Variants in ADAMTS19 observed in about 807,000 individuals in gnomAD.
The protein encoded by ADAMTS19 is ADAM metallopeptidase with thrombospondin type 1 motif 19.
A neutral mutation model predicts 153.3 loss-of-function variants in ADAMTS19; 93 were observed. That is an observed-to-expected ratio of 0.61 (90% CI 0.51 to 0.72). ADAMTS19 has a LOEUF of 0.72. ADAMTS19 is among the 30% of genes least tolerant of loss of function. The pLI is 0.00. For synonymous variants in ADAMTS19, 600 were observed against 556.6 expected, an observed-to-expected ratio of 1.08 and a Z score of -1.10; for missense variants, 1,482 against 1,552.1, an observed-to-expected ratio of 0.95 and a Z score of 0.76.
At chr5:129,578,653 C>G (rs78257476) in intron 7 of ADAMTS19, among the ~76,000 whole-genome samples, 6,923 of 151,916 alleles carry the variant, frequency 0.046, 490 homozygotes, top group African/African-American at 0.16. Context: ...TCCATGTGTT[C>G]TCATTGTTCA....
intron 18 of ADAMTS19, among the ~76,000 whole-genome samples, chr5:129,691,670 C>T (rs910327936): frequency 1.3e-5 from 2 of 152,130 alleles, no homozygotes; most frequent in African/African-American, 4.8e-5. Context: ...TAAGCTTCCC[C>T]TAGCTGCCAA....
chr5:129,600,858 GTTATTATTATTA>G (rs67558720), intron 8 of ADAMTS19, among the ~76,000 whole-genome samples: 9 of 150,504 alleles, frequency 6.0e-5, no homozygotes, highest in Admixed American at 4.0e-4. Flanking sequence ...AGTAGTAGGA[GTTATTATTATTA>G]TTATTATTAT....
In ADAMTS19 at chr5:129,525,926, G is replaced by C. The variant is rs1395485481; in HGVS notation, c.914-358G>C. Among the ~76,000 whole-genome samples, 6 of 151,964 alleles carry C rather than the reference G, an allele frequency of 3.9e-5. No homozygotes were observed. In the East Asian group the frequency reaches 1.2e-3, roughly 29 times the overall value. On this transcript the variant is annotated intron_variant, in intron 3 of 22. Transcript: ENST00000274487. ...TGCCATTGATGTCAAAAAGAAAATT[G>C]CAGTATCTTTTATTTATTGAGTTAT...
At chr5:129,580,018 A>C (rs766929658) in intron 7 of ADAMTS19, among the ~76,000 whole-genome samples, 4 of 152,296 alleles carry the variant, frequency 2.6e-5, no homozygotes, top group Non-Finnish European at 2.9e-5. Flanking sequence ...TCTATGAATT[A>C]CTTTTGTCAG....
chr5:129,508,957 A>C (rs954021505), intron 2 of ADAMTS19, 120 bp from the exon 3 acceptor site: 2 of 723,476 alleles, frequency 2.8e-6, no homozygotes, highest in African/African-American at 3.7e-5. Context: ...TTGCTAAGTT[A>C]GTTTCACTAG....
At chr5:129,527,335 C>T (rs866938383) in intron 4 of ADAMTS19, among the ~76,000 whole-genome samples, 7 of 149,542 alleles carry the variant, frequency 4.7e-5, no homozygotes, top group Middle Eastern at 3.5e-3. Context: ...CCATTTTTTA[C>T]TATCTTTGCT....
chr5:129,655,296 C>T (rs1753496695), intron 14 of ADAMTS19, among the ~76,000 whole-genome samples: 1 of 152,146 alleles, frequency 6.6e-6, no homozygotes, highest in South Asian at 2.1e-4. Flanking sequence ...GCCATTTACT[C>T]TCAACATCTA....
At chr5:129,608,025 G>A (rs1416868634) in intron 8 of ADAMTS19, among the ~76,000 whole-genome samples, 5 of 138,756 alleles carry the variant, frequency 3.6e-5, no homozygotes, top group African/African-American at 1.1e-4. Flanking sequence ...TATTATATAT[G>A]TATTACTATA....
At chr5:129,545,297 G>A (rs181456157) in intron 6 of ADAMTS19, among the ~76,000 whole-genome samples, 3 of 152,282 alleles carry the variant, frequency 2.0e-5, no homozygotes, top group Admixed American at 6.5e-5. Flanking sequence ...AAATTGAAGA[G>A]CAGATTAGAT....
chr5:129,581,377 G>A (rs1349364705), intron 7 of ADAMTS19, among the ~76,000 whole-genome samples: 1 of 152,034 alleles, frequency 6.6e-6, no homozygotes, highest in East Asian at 1.9e-4. Context: ...AGATTTTCTA[G>A]TTTATTTGCA....
At chr5:129,511,397 G>A (rs1365769133) in intron 3 of ADAMTS19, among the ~76,000 whole-genome samples, 1 of 151,758 alleles carries the variant, frequency 6.6e-6, no homozygotes, top group Non-Finnish European at 1.5e-5. Flanking sequence ...TCAGGTTCAA[G>A]GCCCAGCTTT....
chr5:129,649,097 T>A, intron 13 of ADAMTS19, 127 bp downstream of exon 13: 1 of 885,734 alleles, frequency 1.1e-6, no homozygotes, highest in South Asian at 2.2e-5. Context: ...TTTTTCTACC[T>A]GTATGGACAT....
At chr5:129,600,361 G>A (rs891739465) in intron 8 of ADAMTS19, among the ~76,000 whole-genome samples, 3 of 151,924 alleles carry the variant, frequency 2.0e-5, no homozygotes, top group African/African-American at 7.3e-5. Flanking sequence ...TATAAGTGAA[G>A]ACTATCTTCT....
At position 129,649,875 on chromosome 5, in the gene ADAMTS19, C is replaced by A. The variant is rs1042417994; in HGVS notation, c.2176+905C>A. Among the ~76,000 whole-genome samples, 171 of 152,176 alleles carry A rather than the reference C, an allele frequency of 1.1e-3. 1 individual carries two copies. The highest frequency in any genetic ancestry group is 4.0e-3 in the African/African-American group (167 of 41,524). ...AGAATTTTAAGAAAATTGTATGCTG[C>A]CTTATTAGTTAAGAATGATATGCCA... is the stretch of plus-strand genomic sequence containing the variant. On this transcript the variant is annotated intron_variant, in intron 13 of 22. Coordinates refer to ENST00000274487, the MANE Select transcript of ADAMTS19 (RefSeq NM_133638.6).
Position 129,737,272 on chromosome 5 carries a change from A to G in ADAMTS19, c.*54A>G. On this transcript the variant is annotated 3_prime_UTR_variant, in exon 23 of 23. Transcript: ENST00000274487. Reference sequence around the variant, plus strand: ...CTTGGCAATTACATTATTTATAAACACACACACTAGCATGTTTTTCAGACC... The same window carrying G: ...CTTGGCAATTACATTATTTATAAACGCACACACTAGCATGTTTTTCAGACC... 2.1e-6 allele frequency: 3 copies of G among 1,444,864 alleles called. No individual in the cohort carries two copies. The highest frequency in any genetic ancestry group is 2.8e-5 in the African/African-American group (2 of 70,920). The allele number at this position is 1,444,864 out of a possible 1,614,324, so 89.5% of individuals were successfully genotyped here. A position where few individuals can be genotyped will look rare whatever the true frequency, so the allele number is the denominator to read the frequency against.
intron 10 of ADAMTS19, among the ~76,000 whole-genome samples, chr5:129,625,570 G>C (rs962834033): frequency 6.6e-6 from 1 of 151,850 alleles, no homozygotes; most frequent in Admixed American, 6.6e-5. Flanking sequence ...TTTTGATTTT[G>C]TTTTTCATTT....
At chr5:129,690,498 T>A (rs1026148053) in intron 18 of ADAMTS19, among the ~76,000 whole-genome samples, 1 of 152,180 alleles carries the variant, frequency 6.6e-6, no homozygotes, top group Non-Finnish European at 1.5e-5. Flanking sequence ...TAGTTATATA[T>A]TAGGTGTTGT....
intron 8 of ADAMTS19, among the ~76,000 whole-genome samples, chr5:129,609,878 T>A (rs972477674): frequency 6.6e-6 from 1 of 152,142 alleles, no homozygotes; most frequent in African/African-American, 2.4e-5. Context: ...GAGTAGATCA[T>A]CTATTAACTT....
intron 7 of ADAMTS19, among the ~76,000 whole-genome samples, chr5:129,590,275 T>G (rs1750051036): frequency 6.6e-6 from 1 of 152,180 alleles, no homozygotes; most frequent in Non-Finnish European, 1.5e-5. Flanking sequence ...TTTTTTAAAC[T>G]TTAATTTTGC....
Sources: allele counts gnomAD v4.1 joint callset (sites outside exome capture counted in the v4.1 genomes callset), GRCh38; gene constraint gnomAD v4.1.1; transcripts MANE v1.5; gene names NCBI Gene and HGNC (gene_info 2026-07-23, HGNC 2026-07-21).